Variants in ITGA4 observed in about 807,000 individuals in gnomAD.
ITGA4 encodes the protein integrin alpha-4.
Under a neutral mutation model 133.6 loss-of-function variants are expected in ITGA4, and 63 were observed. The ratio of observed to expected loss-of-function variants is 0.47; its 90% CI spans 0.38 to 0.58. ITGA4 has a LOEUF of 0.58. ITGA4 is among the 20% of genes least tolerant of loss of function. ITGA4 has a pLI of 0.00. For synonymous variants in ITGA4, 483 were observed against 438.0 expected (o/e 1.10, Z -1.28); for missense variants, 1,076 against 1,252.7 (o/e 0.86, Z 2.13).
intron 7 of ITGA4, 109 bp downstream of exon 7, chr2:181,481,792 A>G: frequency 2.3e-6 from 1 of 433,774 alleles, no homozygotes; most frequent in South Asian, 3.9e-5. Context: ...AAGATTAGAA[A>G]TGATGAACAG....
chr2:181,457,686 C>G lies in ITGA4; in HGVS notation c.32C>G (p.Pro11Arg). MAWEARREPG[P>R]RRAAVRETVM... is the part of the protein sequence containing the mutation. Reference sequence around the variant, plus strand: ...TGGGAAGCGAGGCGCGAACCCGGCCCCCGAAGGGCCGCCGTCCGGGAGACG... The same window carrying G: ...TGGGAAGCGAGGCGCGAACCCGGCCGCCGAAGGGCCGCCGTCCGGGAGACG... Residue 11 changes from proline (P) to arginine (R), a missense_variant, in exon 1 of 28, where the codon CCC becomes CGC. Coordinates refer to ENST00000397033, the MANE Select transcript of ITGA4 (RefSeq NM_000885.6). 1.2e-6 allele frequency: 2 copies of G among 1,611,532 alleles called. No homozygotes were observed. The highest frequency in any genetic ancestry group is 1.7e-5 in the Admixed American group (1 of 59,872).
intron 10 of ITGA4, 193 bp from the exon 11 acceptor site, chr2:181,493,132 A>G (rs770946151): frequency 1.3e-4 from 59 of 470,314 alleles, no homozygotes; most frequent in Non-Finnish European, 1.9e-4. Context: ...GCTTTCTTCC[A>G]TGTGCAAACT....
At chr2:181,525,676 C>A (rs1686819062) in intron 21 of ITGA4, among the ~76,000 whole-genome samples, 2 of 151,344 alleles carry the variant, frequency 1.3e-5, no homozygotes, top group East Asian at 2.0e-4. Context: ...TGAACTTAGT[C>A]AAATCACTAT....
chr2:181,493,365 T>A lies in ITGA4; in HGVS notation c.1194T>A (p.Gly398=). ...IGAPQEDDLQ[G]AIYIYNGRAD... ...CTCCACAAGAAGATGACTTGCAAGG[T>A]GCTATTTATATTTACAATGGCCGTG... Residue 398 remains glycine (G), a synonymous_variant, in exon 11 of 28, where the codon GGT becomes GGA. Coordinates refer to ENST00000397033, the MANE Select transcript of ITGA4 (RefSeq NM_000885.6). The A allele has an allele frequency of 6.2e-7, 1 of 1,612,940 alleles. No homozygotes were observed. The highest frequency in any genetic ancestry group is 8.5e-7 in the Non-Finnish European group (1 of 1,179,110).
intron 5 of ITGA4, 176 bp downstream of exon 5, chr2:181,479,000 T>C: frequency 2.5e-6 from 1 of 401,808 alleles, no homozygotes; most frequent in South Asian, 9.7e-5. Context: ...TATATTTCAA[T>C]AAAATATCAA....
chr2:181,538,499 TCTAGAACAC>T lies in ITGA4; in HGVS notation c.*2974_*2982del, dbSNP rs1687317759. On this transcript the variant is annotated 3_prime_UTR_variant, in exon 28 of 28. Coordinates refer to ENST00000397033, the MANE Select transcript of ITGA4 (RefSeq NM_000885.6). Reference sequence around the variant, plus strand: ...CCTCTGTAAAACAGTCAGTTATGCCTCTAGAACACCCATGTCTAGTGGGCACCCCTGCAT... The same window carrying T: ...CCTCTGTAAAACAGTCAGTTATGCCTCCATGTCTAGTGGGCACCCCTGCAT... Among the ~76,000 whole-genome samples the T allele has an allele frequency of 2.4e-4, 6 of 25,306 alleles. No homozygotes were observed. Among genetic ancestry groups the T allele is most frequent in the African/African-American group, 1.1e-3 (6 of 5,562 alleles). The allele number at this position is 25,306 out of a possible 152,430, so 16.6% of individuals were successfully genotyped here. A position where few individuals can be genotyped will look rare whatever the true frequency, so the allele number is the denominator to read the frequency against.
chr2:181,534,701 G>C, intron 26 of ITGA4, 115 bp from the exon 27 acceptor site: 1 of 842,598 alleles, frequency 1.2e-6, no homozygotes, highest in East Asian at 2.7e-5. Context: ...AAAATGGGCT[G>C]GGCAGTTCTA....
Position 181,457,531 on chromosome 2 carries a change from C to A in ITGA4, c.-124C>A. On this transcript the variant is annotated 5_prime_UTR_variant, in exon 1 of 28. Transcript: ENST00000397033. ...CTCTTCCCTCTCTCCTTCCTTTAGC[C>A]CGCTGGCGCCGGACACGCTGCGCCT... 1.1e-6 allele frequency: 1 copy of A among 914,980 alleles called. No homozygotes were observed. The highest frequency in any genetic ancestry group is 1.6e-6 in the Non-Finnish European group (1 of 616,874). 56.7% of individuals were successfully genotyped at this position (914,980 alleles called of 1,614,324 possible).
intron 6 of ITGA4, among the ~76,000 whole-genome samples, chr2:181,481,203 C>T (rs1248206950): frequency 6.6e-6 from 1 of 152,044 alleles, no homozygotes; most frequent in Non-Finnish European, 1.5e-5. Flanking sequence ...AAAGTCATCA[C>T]AAAGATTTGG....
At position 181,509,598 on chromosome 2, in the gene ITGA4, T is replaced by C. The variant is rs1300064142; in HGVS notation, c.1696-60T>C. 6.5e-6 allele frequency: 9 copies of C among 1,381,408 alleles called. No homozygotes were observed. In the East Asian group the frequency reaches 1.7e-4, roughly 26 times the overall value. The allele number at this position is 1,381,408 out of a possible 1,614,324, so 85.6% of individuals were successfully genotyped here. On this transcript the variant is annotated intron_variant, in intron 15 of 27. Coordinates refer to ENST00000397033, the MANE Select transcript of ITGA4 (RefSeq NM_000885.6). ...TTGGCCCTTTTCAGGAAAGGAGTTT[T>C]ATTTTTTTTTAATCTACGTGCTTGT...
chr2:181,506,908 G>A (rs148860097), intron 15 of ITGA4, among the ~76,000 whole-genome samples: 34 of 152,160 alleles, frequency 2.2e-4, no homozygotes, highest in African/African-American at 6.7e-4. Flanking sequence ...GCAGTGTCAT[G>A]GGTCTACCTT....
chr2:181,534,954 C>T lies in ITGA4; in HGVS notation c.3003+19C>T. The T allele has an allele frequency of 1.3e-6, 2 of 1,545,152 alleles. No homozygotes were observed. The highest frequency in any genetic ancestry group is 1.7e-6 in the Non-Finnish European group (2 of 1,151,440). ...GTGGAAGGTAAGCATTTAACAATTACCAACATTAGTCTACTAAAAATGACA... is the reference window on the plus strand; with the variant it reads ...GTGGAAGGTAAGCATTTAACAATTATCAACATTAGTCTACTAAAAATGACA... On this transcript the variant is annotated intron_variant, in intron 27 of 27. Coordinates refer to ENST00000397033, the MANE Select transcript of ITGA4 (RefSeq NM_000885.6).
At chr2:181,505,608 A>G (rs1470413689) in intron 15 of ITGA4, among the ~76,000 whole-genome samples, 7 of 152,136 alleles carry the variant, frequency 4.6e-5, no homozygotes, top group African/African-American at 1.7e-4. Context: ...GACATTTTTG[A>G]TATTACAGCT....
chr2:181,522,755 G>A (rs948614512), intron 18 of ITGA4, among the ~76,000 whole-genome samples: 1 of 151,990 alleles, frequency 6.6e-6, no homozygotes, highest in African/African-American at 2.4e-5. Context: ...TATCAAATTC[G>A]CTCATCTTTT....
At chr2:181,533,122 G>A (rs550773486) in intron 25 of ITGA4, among the ~76,000 whole-genome samples, 1 of 152,146 alleles carries the variant, frequency 6.6e-6, no homozygotes, top group Non-Finnish European at 1.5e-5. Flanking sequence ...ATATTTATGA[G>A]GAGTAGTTTG....
rs202014414 is a variant in ITGA4 at position 181,536,861 on chromosome 2, G to A, written c.*1334G>A. On this transcript the variant is annotated 3_prime_UTR_variant, in exon 28 of 28. Transcript: ENST00000397033. ...CTGCCTTCATAAGAGAGCTGTGGCC[G>A]AATTTTGAACATCTGTTATAGGGAG... 108 of 429,134 alleles carry A rather than the reference G, an allele frequency of 2.5e-4. No individual in the cohort carries two copies. Among genetic ancestry groups the A allele is most frequent in the African/African-American group, 5.7e-4 (28 of 49,280 alleles). The allele number at this position is 429,134 out of a possible 1,614,324, so 26.6% of individuals were successfully genotyped here.
At chr2:181,484,701 A>G (rs535197655) in intron 9 of ITGA4, among the ~76,000 whole-genome samples, 40 of 152,368 alleles carry the variant, frequency 2.6e-4, no homozygotes, top group African/African-American at 7.2e-4. Context: ...CCAGGACTTC[A>G]GGATCTTTGT....
chr2:181,476,816 A>G (rs1306436376), intron 4 of ITGA4, among the ~76,000 whole-genome samples: 1 of 152,200 alleles, frequency 6.6e-6, no homozygotes, highest in Non-Finnish European at 1.5e-5. Flanking sequence ...TGTCCTTTGC[A>G]GCAACTTATA....
chr2:181,466,437 T>TA (rs1226060126), intron 2 of ITGA4, among the ~76,000 whole-genome samples: 4 of 152,080 alleles, frequency 2.6e-5, no homozygotes, highest in Admixed American at 6.6e-5. Context: ...CACATTTTTT[T>TA]AAAAAAACAT....
Sources: allele counts gnomAD v4.1 joint callset (sites outside exome capture counted in the v4.1 genomes callset), GRCh38; gene constraint gnomAD v4.1.1; transcripts MANE v1.5; gene names NCBI Gene and HGNC (gene_info 2026-07-23, HGNC 2026-07-21).